Variants in ABI3BP observed in about 807,000 individuals in gnomAD.
The protein encoded by ABI3BP is target of Nesh-SH3.
In ABI3BP, 216 loss-of-function variants were observed where a neutral mutation model predicts 268.6. The ratio of observed to expected loss-of-function variants is 0.80; its 90% CI spans 0.72 to 0.90. ABI3BP has a LOEUF of 0.90. Among genes scored for constraint, ABI3BP ranks in the 40% least tolerant of loss-of-function variants. The pLI, the probability that ABI3BP is intolerant of heterozygous loss-of-function variation, is 0.00. For synonymous variants in ABI3BP, 730 were observed against 730.0 expected, an observed-to-expected ratio of 1.00 and a Z score of 0.00; for missense variants, 2,090 against 2,182.4, an observed-to-expected ratio of 0.96 and a Z score of 0.84.
At chr3:100,984,364 G>A (rs927887116) in intron 1 of ABI3BP, among the ~76,000 whole-genome samples, 2 of 152,170 alleles carry the variant, frequency 1.3e-5, no homozygotes, top group Non-Finnish European at 2.9e-5. Context: ...GGTGAGATGT[G>A]ACTTAGGCCT....
chr3:100,807,509 G>A (rs1339939165), intron 50 of ABI3BP, among the ~76,000 whole-genome samples: 2 of 151,850 alleles, frequency 1.3e-5, no homozygotes, highest in South Asian at 4.1e-4. Context: ...TTTAATGATA[G>A]GTAAAATTTC....
rs1403810833 is a variant in ABI3BP at position 100,816,802 on chromosome 3, G to C, written c.3149-34C>G. ...AGAAACTTTGGATTACTCTAGTGCA[G>C]GTGGCTTTGGAGACAAAACTTTAGG... On this transcript the variant is annotated intron_variant, in intron 42 of 67. Coordinates refer to ENST00000471714, the MANE Select transcript of ABI3BP (RefSeq NM_001375547.2). 2.0e-6 allele frequency: 3 copies of C among 1,510,984 alleles called. No individual in the cohort carries two copies. In the African/African-American group the frequency reaches 4.1e-5, roughly 21 times the overall value. The allele number at this position is 1,510,984 out of a possible 1,614,324, so 93.6% of individuals were successfully genotyped here.
intron 1 of ABI3BP, among the ~76,000 whole-genome samples, chr3:100,983,457 A>T (rs988124466): frequency 6.6e-6 from 1 of 152,220 alleles, no homozygotes; most frequent in Non-Finnish European, 1.5e-5. Context: ...TTGCACTGAA[A>T]TCATGAGGTG....
chr3:100,843,534 TGTGTGTGTGAGAGAGA>T (rs1560712703), intron 20 of ABI3BP: 1 of 953,400 alleles, frequency 1.0e-6, no homozygotes, highest in Non-Finnish European at 1.2e-6. Context: ...TGTGTGTGTG[TGTGTGTGTGAGAGAGA>T]GAGAGAGAGA....
intron 17 of ABI3BP, 103 bp downstream of exon 17, chr3:100,849,941 CA>C: frequency 1.0e-6 from 1 of 956,082 alleles, no homozygotes; most frequent in Non-Finnish European, 1.6e-6. Flanking sequence ...AAATATTTAG[CA>C]AAAACAAACA....
intron 57 of ABI3BP, among the ~76,000 whole-genome samples, chr3:100,785,053 A>C (rs2096987645): frequency 6.6e-6 from 1 of 152,198 alleles, no homozygotes; most frequent in South Asian, 2.1e-4. Context: ...AAAACCATTG[A>C]AATAAAAATT....
intron 35 of ABI3BP, 60 bp downstream of exon 35, chr3:100,825,725 G>T: frequency 7.7e-7 from 1 of 1,298,542 alleles, no homozygotes; most frequent in South Asian, 1.3e-5. Flanking sequence ...AGACTGAATG[G>T]ACTGTACAAC....
At chr3:100,851,744 G>C (rs913614587) in intron 15 of ABI3BP, 131 bp downstream of exon 15, 1 of 706,548 alleles carries the variant, frequency 1.4e-6, no homozygotes, top group Admixed American at 3.0e-5. Context: ...ACAACTCCCT[G>C]ACACAGGTAG....
chr3:100,904,431 C>A (rs1195772263), intron 2 of ABI3BP, among the ~76,000 whole-genome samples: 2 of 152,120 alleles, frequency 1.3e-5, no homozygotes, highest in Admixed American at 1.3e-4. Flanking sequence ...GTTCTTGCCT[C>A]CCCCACTCAT....
At chr3:100,916,624 C>A (rs1278095850) in intron 2 of ABI3BP, among the ~76,000 whole-genome samples, 2 of 152,150 alleles carry the variant, frequency 1.3e-5, no homozygotes, top group African/African-American at 4.8e-5. Flanking sequence ...AAGCCCTTAG[C>A]CCAGCACATT....
intron 63 of ABI3BP, among the ~76,000 whole-genome samples, chr3:100,757,676 CAG>C (rs1215838075): frequency 2.0e-5 from 3 of 152,220 alleles, no homozygotes; most frequent in East Asian, 1.9e-4. Context: ...GGATTCAAAA[CAG>C]AGGCAAAGGA....
Position 100,789,515 on chromosome 3 carries a change from C to A in ABI3BP, c.4026G>T (p.Ala1342=). The A allele has an allele frequency of 6.3e-7, 1 of 1,590,906 alleles. No individual in the cohort carries two copies. The highest frequency in any genetic ancestry group is 1.7e-5 in the Admixed American group (1 of 57,178). ...TCACAGTAGTATAAAATCTGTGTGG[C>A]GCTGAAACAGAGGAACACTTTATAT... ...RTTELAKTTQ[A]PHRFYTTVRP... is the part of the protein sequence containing the mutation. Residue 1342 remains alanine, a splice_region_variant and synonymous_variant, in exon 56 of 68, where the codon GCG becomes GCT. Transcript: ENST00000471714.
chr3:100,855,070 A>T (rs2055544), intron 14 of ABI3BP, among the ~76,000 whole-genome samples: 52,393 of 151,746 alleles, frequency 0.35, 9,490 homozygotes, highest in African/African-American at 0.44. Flanking sequence ...GGGATTACAG[A>T]CATGTGCCAC....
rs1267953931 is a variant in ABI3BP at position 100,827,436 on chromosome 3, A to C, written c.2602+957T>G. Among the ~76,000 whole-genome samples the C allele has an allele frequency of 5.9e-5, 9 of 152,242 alleles. No individual in the cohort carries two copies. The East Asian group carries it at 1.5e-3, about 26-fold the overall frequency. On this transcript the variant is annotated intron_variant, in intron 34 of 67. Coordinates refer to ENST00000471714, the MANE Select transcript of ABI3BP (RefSeq NM_001375547.2). ...ACCAAAGACCCTACACTTATCTGGT[A>C]TAGTCTCAAGAGTAGCCAGACAAGG...
chr3:100,800,427 CAAT>C (rs1402164846), intron 51 of ABI3BP, among the ~76,000 whole-genome samples: 1 of 152,142 alleles, frequency 6.6e-6, no homozygotes, highest in Middle Eastern at 3.2e-3. Flanking sequence ...CTTCATCTCT[CAAT>C]AATCTCATCA....
intron 32 of ABI3BP, 84 bp from the exon 33 acceptor site, chr3:100,829,748 C>A: frequency 9.2e-7 from 1 of 1,082,966 alleles, no homozygotes; most frequent in Non-Finnish European, 1.3e-6. Flanking sequence ...AATTTCTTGA[C>A]TTCCAAGAAA....
intron 1 of ABI3BP, among the ~76,000 whole-genome samples, chr3:100,979,369 A>T (rs1255900214): frequency 6.6e-6 from 1 of 152,286 alleles, no homozygotes; most frequent in African/African-American, 2.4e-5. Context: ...TAGGTGAGAG[A>T]CTTTAGATTC....
In ABI3BP at chr3:100,851,950, A is replaced by AC. The variant is rs774331364; in HGVS notation, c.1286-11_1286-10insG. 1 of 1,548,738 alleles carries AC rather than the reference A, an allele frequency of 6.5e-7. No homozygotes were observed. Among genetic ancestry groups the AC allele is most frequent in the Admixed American group, 2.1e-5 (1 of 48,236 alleles). On this transcript the variant is annotated splice_polypyrimidine_tract_variant and intron_variant, in intron 14 of 67. Coordinates refer to ENST00000471714, the MANE Select transcript of ABI3BP (RefSeq NM_001375547.2). ...AAAACATCATAAGTTGCTTAAAAAA[A>AC]AAAAAAAGGCAAAACAAGAGAGATG...
chr3:100,756,292 A>C (rs1274031448), intron 63 of ABI3BP, among the ~76,000 whole-genome samples: 1 of 152,224 alleles, frequency 6.6e-6, no homozygotes, highest in Non-Finnish European at 1.5e-5. Context: ...CGGGAGGCCG[A>C]GGCAGGCAGA....
Sources: allele counts gnomAD v4.1 joint callset (sites outside exome capture counted in the v4.1 genomes callset), GRCh38; gene constraint gnomAD v4.1.1; transcripts MANE v1.5; gene names NCBI Gene and HGNC (gene_info 2026-07-23, HGNC 2026-07-21).